Variants in MBD5 observed in about 807,000 individuals in gnomAD.
MBD5 encodes the protein methyl-CpG binding domain protein 5.
Under a neutral mutation model 117.3 loss-of-function variants are expected in MBD5, and 13 were observed. The observed-to-expected ratio is 0.11, with a 90% confidence interval of 0.07 to 0.18. The LOEUF (loss-of-function observed/expected upper bound fraction) is 0.18, where lower values mean the gene tolerates loss of function less well. MBD5 is among the 10% of genes least tolerant of loss of function. The pLI, the probability that MBD5 is intolerant of heterozygous loss-of-function variation, is 1.00. For missense variants in MBD5, 1,879 were observed against 2,093.8 expected, an observed-to-expected ratio of 0.90 and a Z score of 2.00; for synonymous variants, 727 against 766.4, an observed-to-expected ratio of 0.95 and a Z score of 0.85.
At chr2:148,401,383 C>A (rs1475789136) in intron 4 of MBD5, among the ~76,000 whole-genome samples, 1 of 151,912 alleles carries the variant, frequency 6.6e-6, no homozygotes, top group Non-Finnish European at 1.5e-5. Context: ...CAGTTTTATT[C>A]TCTAGTCTTC....
At chr2:148,048,524 G>A (rs979570192) in intron 1 of MBD5, among the ~76,000 whole-genome samples, 3 of 152,096 alleles carry the variant, frequency 2.0e-5, no homozygotes, top group Non-Finnish European at 2.9e-5. Flanking sequence ...AAAAGAAGCC[G>A]CCAAATCTAT....
chr2:148,316,550 A>T (rs1702162485), intron 3 of MBD5, among the ~76,000 whole-genome samples: 2 of 152,166 alleles, frequency 1.3e-5, no homozygotes, highest in Non-Finnish European at 2.9e-5. Context: ...AAATAGACCC[A>T]TTCAGTGACT....
At chr2:148,390,100 G>A (rs1704519978) in intron 4 of MBD5, among the ~76,000 whole-genome samples, 1 of 152,082 alleles carries the variant, frequency 6.6e-6, no homozygotes, top group Non-Finnish European at 1.5e-5. Flanking sequence ...TTTTTAATAT[G>A]GTGAGTGGTA....
intron 3 of MBD5, among the ~76,000 whole-genome samples, chr2:148,306,514 C>G (rs190167978): frequency 5.3e-5 from 8 of 152,120 alleles, no homozygotes; most frequent in Non-Finnish European, 8.8e-5. Context: ...ATAATAGTAT[C>G]CATATTTTGG....
intron 1 of MBD5, among the ~76,000 whole-genome samples, chr2:148,106,095 A>G (rs1273716741): frequency 7.4e-6 from 1 of 134,390 alleles, no homozygotes; most frequent in Admixed American, 7.8e-5. Flanking sequence ...ATACTTAAAA[A>G]TAATGTGTAT....
rs935960115 is a variant in MBD5, at chr2:148,173,424, G to A, written c.-924-5276G>A. ...GCTCTGCGCAGTGGTCGGACCCCAC[G>A]CTTGCTCACACACCCGTTGCCACTC... On this transcript the variant is annotated intron_variant, in intron 1 of 13. Coordinates refer to ENST00000642680, the MANE Select transcript of MBD5 (RefSeq NM_001378120.1). 4.6e-5 allele frequency among the ~76,000 whole-genome samples: 7 copies of A among 152,332 alleles called. No homozygotes were observed. In the South Asian group the frequency reaches 8.3e-4, roughly 18 times the overall value.
chr2:148,510,206 T>A, intron 13 of MBD5, 71 bp downstream of exon 13: 3 of 1,157,008 alleles, frequency 2.6e-6, no homozygotes, highest in Non-Finnish European at 3.9e-6. Context: ...TTTGGTAAAG[T>A]CTCTTGAGTA....
chr2:148,389,422 G>C (rs1282275928), intron 4 of MBD5, among the ~76,000 whole-genome samples: 1 of 150,494 alleles, frequency 6.6e-6, no homozygotes, highest in Non-Finnish European at 1.5e-5. Context: ...TTGATGAAAT[G>C]ATTTATTTTA....
chr2:148,141,681 T>C (rs1335256513), intron 1 of MBD5, among the ~76,000 whole-genome samples: 1 of 152,020 alleles, frequency 6.6e-6, no homozygotes, highest in Non-Finnish European at 1.5e-5. Flanking sequence ...TTGTCCCAGC[T>C]ACCCAAGAGG....
intron 4 of MBD5, among the ~76,000 whole-genome samples, chr2:148,378,298 A>C (rs1355617676): frequency 1.3e-5 from 2 of 152,188 alleles, no homozygotes; most frequent in Admixed American, 6.5e-5. Context: ...ATAAATTTCA[A>C]AGTTGGCCTG....
chr2:148,045,884 A>T (rs1237395481), intron 1 of MBD5, among the ~76,000 whole-genome samples: 5 of 151,568 alleles, frequency 3.3e-5, no homozygotes. Flanking sequence ...GGATAATAAA[A>T]TTGTTTCCTA....
chr2:148,129,933 T>A (rs983151485), intron 1 of MBD5, among the ~76,000 whole-genome samples: 5 of 152,338 alleles, frequency 3.3e-5, no homozygotes, highest in African/African-American at 1.2e-4. Context: ...TTGGATTACC[T>A]CCCTAAATAA....
intron 3 of MBD5, among the ~76,000 whole-genome samples, chr2:148,331,527 G>A (rs1702656043): frequency 6.6e-6 from 1 of 152,048 alleles, no homozygotes; most frequent in Non-Finnish European, 1.5e-5. Context: ...TAGATATTGA[G>A]TATTTCCCAT....
At chr2:148,205,060 T>C (rs1447603710) in intron 2 of MBD5, among the ~76,000 whole-genome samples, 1 of 151,996 alleles carries the variant, frequency 6.6e-6, no homozygotes, top group Non-Finnish European at 1.5e-5. Flanking sequence ...CCCCAGTCTT[T>C]ACAATTGTCT....
chr2:148,155,297 AG>A (rs1465657009), intron 1 of MBD5, among the ~76,000 whole-genome samples: 3 of 152,168 alleles, frequency 2.0e-5, no homozygotes, highest in Non-Finnish European at 2.9e-5. Flanking sequence ...TTACAGGATG[AG>A]GAAACAGCAG....
chr2:148,368,085 G>A (rs1018221752), intron 4 of MBD5, among the ~76,000 whole-genome samples: 22 of 152,058 alleles, frequency 1.4e-4, no homozygotes, highest in African/African-American at 4.3e-4. Context: ...CCAAATGCTC[G>A]TCAGTGATAG....
intron 3 of MBD5, among the ~76,000 whole-genome samples, chr2:148,302,796 A>AT (rs58713890): frequency 0.15 from 22,660 of 149,348 alleles, 1,994 homozygotes; most frequent in Non-Finnish European, 0.18. Context: ...TACCTGGCTA[A>AT]TTTTTTTTTT....
intron 4 of MBD5, among the ~76,000 whole-genome samples, chr2:148,436,398 A>T (rs1706158688): frequency 6.6e-6 from 1 of 152,038 alleles, no homozygotes; most frequent in African/African-American, 2.4e-5. Context: ...TTTTTGACAT[A>T]GTCTTGCTCT....
chr2:148,142,244 A>G (rs1245242727), intron 1 of MBD5, among the ~76,000 whole-genome samples: 3 of 152,168 alleles, frequency 2.0e-5, no homozygotes, highest in Admixed American at 6.5e-5. Context: ...ACATTGAAAA[A>G]GCCCACTGAA....
Sources: gnomAD v4.1 joint callset for allele counts (sites outside exome capture counted in the v4.1 genomes callset) on GRCh38, gnomAD v4.1.1 for gene constraint, MANE v1.5 for transcripts, NCBI Gene and HGNC (gene_info 2026-07-23, HGNC 2026-07-21) for gene names.